Variants in TNR observed in about 807,000 individuals in gnomAD.
The protein encoded by TNR is tenascin R.
TNR carries 45 observed loss-of-function variants against 150.4 expected under a neutral mutation model. That is an observed-to-expected ratio of 0.30 (90% CI 0.24 to 0.38). The LOEUF is 0.38. TNR is among the 10% of genes least tolerant of loss of function. TNR has a pLI of 1.00. For missense variants in TNR, 1,544 were observed against 1,759.1 expected, an observed-to-expected ratio of 0.88 and a Z score of 2.19; for synonymous variants, 687 against 678.4, an observed-to-expected ratio of 1.01 and a Z score of -0.20.
intron 1 of TNR, among the ~76,000 whole-genome samples, chr1:175,714,113 C>T (rs1402590840): frequency 1.3e-5 from 2 of 151,648 alleles, no homozygotes; most frequent in Non-Finnish European, 2.9e-5. Context: ...AATAGCTGCC[C>T]TCTCTTTAAA....
intron 9 of TNR, among the ~76,000 whole-genome samples, chr1:175,369,667 C>T (rs990604825): frequency 1.6e-4 from 3 of 18,282 alleles, no homozygotes; most frequent in Non-Finnish European, 3.2e-4. Context: ...GCTAGAGATG[C>T]CCCCCCGGAT....
chr1:175,555,515 GAA>G (rs56074366), intron 1 of TNR, among the ~76,000 whole-genome samples: 6,676 of 127,838 alleles, frequency 0.052, 187 homozygotes, highest in African/African-American at 0.075. Context: ...ACAACTGAGA[GAA>G]AAAAAAAAAA....
chr1:175,626,824 T>G (rs1175176873), intron 1 of TNR, among the ~76,000 whole-genome samples: 3 of 152,158 alleles, frequency 2.0e-5, no homozygotes, highest in Non-Finnish European at 4.4e-5. Flanking sequence ...GATCTTGAGA[T>G]GAAATCATGC....
chr1:175,477,040 T>C (rs192321458), intron 2 of TNR, among the ~76,000 whole-genome samples: 1 of 152,294 alleles, frequency 6.6e-6, no homozygotes, highest in East Asian at 1.9e-4. Context: ...GGCTCTTAAA[T>C]GTTTCTGTAT....
At chr1:175,412,022 G>A (rs527937516) in intron 2 of TNR, among the ~76,000 whole-genome samples, 34 of 152,294 alleles carry the variant, frequency 2.2e-4, no homozygotes, top group Admixed American at 1.4e-3. Flanking sequence ...TGGGGCATCA[G>A]TCAATCAGAC....
chr1:175,446,448 G>C (rs1458192621), intron 2 of TNR, among the ~76,000 whole-genome samples: 1 of 152,152 alleles, frequency 6.6e-6, no homozygotes, highest in Admixed American at 6.5e-5. Flanking sequence ...TTGCCTTGTA[G>C]TTATGGGTGA....
intron 1 of TNR, among the ~76,000 whole-genome samples, chr1:175,570,956 T>C (rs1661842652): frequency 6.6e-6 from 1 of 152,184 alleles, no homozygotes; most frequent in Non-Finnish European, 1.5e-5. Flanking sequence ...CCAGAGATGG[T>C]GTTGACATTC....
intron 2 of TNR, among the ~76,000 whole-genome samples, chr1:175,491,933 C>T (rs1468393206): frequency 6.7e-6 from 1 of 150,340 alleles, no homozygotes; most frequent in African/African-American, 2.4e-5. Flanking sequence ...ACAGCGTGAG[C>T]CACCACGCCC....
At chr1:175,718,639 T>C (rs1667220935) in intron 1 of TNR, among the ~76,000 whole-genome samples, 1 of 152,132 alleles carries the variant, frequency 6.6e-6, no homozygotes, top group Admixed American at 6.5e-5. Context: ...TCTCATTCCA[T>C]CCTAAATAGA....
intron 2 of TNR, among the ~76,000 whole-genome samples, chr1:175,470,400 C>A (rs1571486641): frequency 6.6e-6 from 1 of 152,142 alleles, no homozygotes; most frequent in Admixed American, 6.5e-5. Context: ...GAAAGAGAAT[C>A]CACCCAAAGG....
intron 1 of TNR, among the ~76,000 whole-genome samples, chr1:175,737,202 T>C (rs2101959432): frequency 1.3e-5 from 2 of 152,330 alleles, no homozygotes; most frequent in Middle Eastern, 6.8e-3. Flanking sequence ...GTGAGCGCTT[T>C]ATAAAAACTT....
At chr1:175,331,039 T>TTCTTTCTTTCTTTCCTTC (rs1649761605) in intron 20 of TNR, among the ~76,000 whole-genome samples, 1 of 73,308 alleles carries the variant, frequency 1.4e-5, no homozygotes, top group Non-Finnish European at 2.9e-5. Flanking sequence ...CTTTCTTTCT[T>TTCTTTCTTTCTTTCCTTC]TCTTTCTTTC....
At chr1:175,616,823 C>G (rs1663791775) in intron 1 of TNR, among the ~76,000 whole-genome samples, 1 of 152,198 alleles carries the variant, frequency 6.6e-6, no homozygotes, top group Non-Finnish European at 1.5e-5. Flanking sequence ...GTGTGGCTGA[C>G]TGCATGCAGC....
chr1:175,706,180 T>C (rs1237346332), intron 1 of TNR, among the ~76,000 whole-genome samples: 1 of 152,194 alleles, frequency 6.6e-6, no homozygotes, highest in African/African-American at 2.4e-5. Flanking sequence ...AGTCCACGTA[T>C]CAGAGATCTA....
In TNR at chr1:175,646,255, A is replaced by T. The variant is rs559726971; in HGVS notation, c.-165+96971T>A. ...AGTCACTCTGAAAATGTTACTCAGG[A>T]TCTAACACCAATTTTGCATCTGTAT... On this transcript the variant is annotated intron_variant, in intron 1 of 22. Transcript: ENST00000367674. 1.2e-4 allele frequency among the ~76,000 whole-genome samples: 18 copies of T among 152,278 alleles called. No individual in the cohort carries two copies. The South Asian group carries it at 3.7e-3, about 32-fold the overall frequency.
intron 1 of TNR, among the ~76,000 whole-genome samples, chr1:175,604,358 C>T (rs181490481): frequency 6.6e-6 from 1 of 152,140 alleles, no homozygotes; most frequent in African/African-American, 2.4e-5. Flanking sequence ...ACTGACCAGC[C>T]CCATGAAGTA....
intron 1 of TNR, among the ~76,000 whole-genome samples, chr1:175,589,414 C>A (rs1662704389): frequency 6.6e-6 from 1 of 152,152 alleles, no homozygotes; most frequent in Non-Finnish European, 1.5e-5. Context: ...GAGGTTTATT[C>A]TGGAAAGTTT....
At chr1:175,396,414 C>A in intron 5 of TNR, 130 bp downstream of exon 5, 1 of 1,207,470 alleles carries the variant, frequency 8.3e-7, no homozygotes, top group African/African-American at 1.5e-5. Flanking sequence ...CATCTCTAGC[C>A]CTTCCCCTCA....
At chr1:175,669,867 C>T (rs1665642946) in intron 1 of TNR, among the ~76,000 whole-genome samples, 1 of 152,190 alleles carries the variant, frequency 6.6e-6, no homozygotes. Context: ...TGCTTCTGAG[C>T]ATCTCCAGTG....
Sources: allele counts gnomAD v4.1 joint callset (sites outside exome capture counted in the v4.1 genomes callset), GRCh38; gene constraint gnomAD v4.1.1; transcripts MANE v1.5; gene names NCBI Gene and HGNC (gene_info 2026-07-23, HGNC 2026-07-21).